Variants in DGLUCY observed in about 807,000 individuals in gnomAD.
DGLUCY encodes the protein D-glutamate cyclase, mitochondrial.
Under a neutral mutation model 58.5 loss-of-function variants are expected in DGLUCY, and 58 were observed. That is an observed-to-expected ratio of 0.99 (90% CI 0.80 to 1.23). DGLUCY has a LOEUF of 1.23. DGLUCY is among the 50% of genes most tolerant of loss of function. The pLI, the probability that DGLUCY is intolerant of heterozygous loss-of-function variation, is 0.00. For missense variants in DGLUCY, 779 were observed against 784.7 expected (o/e 0.99, Z 0.09); for synonymous variants, 325 against 314.1 (o/e 1.03, Z -0.37).
At chr14:91,082,790 G>C (rs1363439028) in intron 1 of DGLUCY, among the ~76,000 whole-genome samples, 2 of 152,090 alleles carry the variant, frequency 1.3e-5, no homozygotes, top group African/African-American at 4.8e-5. Context: ...GCCTTGCTCT[G>C]TCACCCAGGT....
At chr14:91,147,967 A>T (rs1448390897) in intron 1 of DGLUCY, 1 of 152,230 alleles carries the variant, frequency 6.6e-6, no homozygotes. Flanking sequence ...TAAGGTCAGG[A>T]GTTCAAGACC....
In DGLUCY at chr14:91,189,127, C is replaced by T. The variant is rs752933525; in HGVS notation, c.1152C>T (p.Ala384=). The change falls in exon 9 of 14, where the codon GCC becomes GCT. Residue 384 remains alanine, a synonymous_variant. Coordinates refer to ENST00000256324, the MANE Select transcript of DGLUCY (RefSeq NM_001102368.3). ...TCGCCATAATCGTTGACCAGAGAGC[C>T]TGGAACTTGCACCAGAAGATTGTTG... ...KEVAIIVDQR[A]WNLHQKIVED... 5.0e-6 allele frequency: 8 copies of T among 1,614,084 alleles called. No individual in the cohort carries two copies. The Admixed American group carries it at 5.0e-5, about 10-fold the overall frequency.
intron 6 of DGLUCY, among the ~76,000 whole-genome samples, chr14:91,174,002 G>T (rs1370950719): frequency 6.6e-6 from 1 of 152,088 alleles, no homozygotes; most frequent in Non-Finnish European, 1.5e-5. Context: ...ACTAAGGTAG[G>T]ATTAGAGGGT....
At chr14:91,205,164 C>T (rs763723449) in intron 12 of DGLUCY, among the ~76,000 whole-genome samples, 2 of 152,226 alleles carry the variant, frequency 1.3e-5, no homozygotes, top group East Asian at 1.9e-4. Context: ...TAGTACAGGT[C>T]GCTGAGAGAG....
chr14:91,224,630 A>G, intron 13 of DGLUCY, 54 bp from the exon 14 acceptor site: 1 of 1,504,614 alleles, frequency 6.6e-7, no homozygotes, highest in Non-Finnish European at 8.9e-7. Flanking sequence ...GTATAAAAGA[A>G]ATTTCTTTTT....
At chr14:91,189,775 C>T (rs962614185) in intron 9 of DGLUCY, 1 of 155,542 alleles carries the variant, frequency 6.4e-6, no homozygotes, top group Non-Finnish European at 1.4e-5. Flanking sequence ...CGCTACCGAT[C>T]GCTCTGTGTC....
chr14:91,137,961 G>A (rs2046437363), intron 1 of DGLUCY, among the ~76,000 whole-genome samples: 1 of 152,046 alleles, frequency 6.6e-6, no homozygotes, highest in South Asian at 2.1e-4. Flanking sequence ...ACCAAACTTT[G>A]GGATATCATT....
chr14:91,209,475 G>A (rs1402204602), intron 12 of DGLUCY, among the ~76,000 whole-genome samples: 2 of 152,122 alleles, frequency 1.3e-5, no homozygotes, highest in African/African-American at 2.4e-5. Flanking sequence ...TTGGGAGGCC[G>A]AGGCTGGGTG....
intron 1 of DGLUCY, among the ~76,000 whole-genome samples, chr14:91,156,030 G>A (rs781620099): frequency 3.3e-5 from 5 of 152,060 alleles, no homozygotes; most frequent in African/African-American, 1.2e-4. Flanking sequence ...TGGGCATGTC[G>A]GTTAATAGAG....
intron 1 of DGLUCY, among the ~76,000 whole-genome samples, chr14:91,101,409 C>A (rs2044484207): frequency 6.6e-6 from 1 of 152,130 alleles, no homozygotes; most frequent in Non-Finnish European, 1.5e-5. Context: ...TTTTTCACTT[C>A]ATTTGAGAGC....
At chr14:91,097,293 G>T (rs1224205018) in intron 1 of DGLUCY, among the ~76,000 whole-genome samples, 4 of 152,256 alleles carry the variant, frequency 2.6e-5, no homozygotes, top group Non-Finnish European at 2.9e-5. Flanking sequence ...CTACTTGGGA[G>T]GCTGAGGTGA....
At chr14:91,125,807 G>A (rs1291068890) in intron 1 of DGLUCY, among the ~76,000 whole-genome samples, 1 of 152,058 alleles carries the variant, frequency 6.6e-6, no homozygotes, top group Non-Finnish European at 1.5e-5. Flanking sequence ...ACAAAAATTA[G>A]CCGAGCCTGG....
intron 1 of DGLUCY, among the ~76,000 whole-genome samples, chr14:91,064,510 C>A (rs1452184247): frequency 6.6e-6 from 1 of 150,896 alleles, no homozygotes; most frequent in African/African-American, 2.4e-5. Context: ...ATAATCCAAG[C>A]TACTCGGGAG....
chr14:91,130,746 G>T (rs1042610024), intron 1 of DGLUCY, among the ~76,000 whole-genome samples: 5 of 151,878 alleles, frequency 3.3e-5, no homozygotes, highest in African/African-American at 1.2e-4. Flanking sequence ...AGCCTCCCAA[G>T]TAGTTGGGAC....
upstream of DGLUCY, among the ~76,000 whole-genome samples, chr14:91,111,290 ATT>A (rs1157386645): frequency 1.1e-3 from 72 of 62,820 alleles, no homozygotes; most frequent in African/African-American, 2.7e-3. Flanking sequence ...ATATATATAT[ATT>A]TTTTTTTGAG....
At chr14:91,099,468 G>A (rs975993729) in intron 1 of DGLUCY, among the ~76,000 whole-genome samples, 4 of 151,074 alleles carry the variant, frequency 2.6e-5, no homozygotes, top group African/African-American at 7.3e-5. Context: ...AGAAGGTTGA[G>A]GCTGCAGTGA....
intron 1 of DGLUCY, among the ~76,000 whole-genome samples, chr14:91,157,311 G>GTGGA (rs1251135024): frequency 7.3e-5 from 11 of 150,130 alleles, no homozygotes; most frequent in African/African-American, 2.0e-4. Context: ...GGATGAATGG[G>GTGGA]TGGATGGATG....
chr14:91,071,328 T>G (rs1232447075), intron 1 of DGLUCY, among the ~76,000 whole-genome samples: 1 of 125,828 alleles, frequency 7.9e-6, no homozygotes, highest in African/African-American at 3.0e-5. Flanking sequence ...CAGAGCGAGA[T>G]TCCACCAAAA....
chr14:91,211,662 G>A (rs960916824), intron 12 of DGLUCY, among the ~76,000 whole-genome samples: 3 of 152,156 alleles, frequency 2.0e-5, no homozygotes, highest in Non-Finnish European at 4.4e-5. Flanking sequence ...ACATATAGAC[G>A]TTACATCCTT....
Sources: allele counts gnomAD v4.1 joint callset (sites outside exome capture counted in the v4.1 genomes callset), GRCh38; gene constraint gnomAD v4.1.1; transcripts MANE v1.5; gene names NCBI Gene and HGNC (gene_info 2026-07-23, HGNC 2026-07-21).